Variants in CYP2E1 observed in about 807,000 individuals in gnomAD.
The protein encoded by CYP2E1 is cytochrome P450 2E1.
Under a neutral mutation model 42.9 loss-of-function variants are expected in CYP2E1, and 31 were observed. The ratio of observed to expected loss-of-function variants is 0.72; its 90% CI spans 0.54 to 0.98. The LOEUF (loss-of-function observed/expected upper bound fraction) is 0.98. Ranked by LOEUF, CYP2E1 falls within the 50% of genes least tolerant of loss-of-function variation. The probability of loss-of-function intolerance (pLI) is 0.00; values close to 1 mark genes in which losing one functional copy is unlikely to be tolerated. For missense variants in CYP2E1, 565 were observed against 633.2 expected, an observed-to-expected ratio of 0.89 and a Z score of 1.16; for synonymous variants, 244 against 248.9, an observed-to-expected ratio of 0.98 and a Z score of 0.19.
chr10:133,533,977 C>T, intron 6 of CYP2E1, 80 bp downstream of exon 6: 1 of 1,482,300 alleles, frequency 6.7e-7, no homozygotes, highest in Non-Finnish European at 9.3e-7. Context: ...TAGGCTGCAG[C>T]TTTCTGTCTG....
intron 7 of CYP2E1, chr10:133,537,537 G>A: frequency 1.7e-6 from 1 of 601,180 alleles, no homozygotes; most frequent in Non-Finnish European, 2.9e-6. Flanking sequence ...CCAGCCCTGG[G>A]GTTAATCCTG....
rs1851286357 is a variant in CYP2E1, at chr10:133,527,615, T to C, written c.177+43T>C. 6 of 1,498,480 alleles carry C rather than the reference T, an allele frequency of 4.0e-6. No individual in the cohort carries two copies. The East Asian group carries it at 1.1e-4, about 28-fold the overall frequency. The allele number at this position is 1,498,480 out of a possible 1,614,324, so 92.8% of individuals were successfully genotyped here. ...GATTTTAGGGAGAATAACTCAGCAA[T>C]TGGATCTGGTATGTGTGTATTCAAC... On this transcript the variant is annotated intron_variant, in intron 1 of 8. Coordinates refer to ENST00000252945, the MANE Select transcript of CYP2E1 (RefSeq NM_000773.4).
At chr10:133,537,516 A>G (rs1322091272) in intron 7 of CYP2E1, 2 of 596,818 alleles carry the variant, frequency 3.4e-6, no homozygotes, top group Admixed American at 3.1e-5. Context: ...GCCAGGAACA[A>G]ACTATCACAA....
At position 133,527,570 on chromosome 10, in the gene CYP2E1, C is replaced by T. The variant is rs1259826192; in HGVS notation, c.175C>T (p.Arg59Trp). The T allele has an allele frequency of 8.1e-6, 13 of 1,607,094 alleles. No individual in the cohort carries two copies. In the African/African-American group the frequency reaches 9.4e-5, roughly 12 times the overall value. The change falls in exon 1 of 9, where the codon CGG (arginine) becomes TGG (tryptophan). Residue 59 changes from arginine (R) to tryptophan (W), a missense_variant and splice_region_variant. Coordinates refer to ENST00000252945, the MANE Select transcript of CYP2E1 (RefSeq NM_000773.4). Reference sequence around the variant, plus strand: ...GAAGAATATTCCCAAGTCCTTCACCCGGGTAAGAGAAATAGTGTTGATTTT... The same window carrying T: ...GAAGAATATTCCCAAGTCCTTCACCTGGGTAAGAGAAATAGTGTTGATTTT... ...ELKNIPKSFTRLAQRFGPVFT... is the reference protein window; with the variant it reads ...ELKNIPKSFTWLAQRFGPVFT...
At position 133,538,873 on chromosome 10, in the gene CYP2E1, T is replaced by C. The variant is rs1395292003; in HGVS notation, c.1391T>C (p.Val464Ala). ...ILQHFNLKPL[V>A]DPKDIDLSPI... ...CAGCATTTTAATTTGAAGCCTCTCG[T>C]TGACCCAAAGGATATCGACCTCAGC... The change falls in exon 9 of 9, where the codon GTT (valine) becomes GCT (alanine). Residue 464 changes from valine (V) to alanine (A), a missense_variant. Val to Ala is a moderately conservative substitution (Grantham distance 64). Transcript: ENST00000252945. The C allele has an allele frequency of 1.9e-6, 3 of 1,613,988 alleles. No homozygotes were observed. In the African/African-American group the frequency reaches 4.0e-5, roughly 22 times the overall value.
intron 1 of CYP2E1, 140 bp from the exon 2 acceptor site, chr10:133,528,341 G>A (rs917250600): frequency 4.0e-6 from 4 of 1,005,970 alleles, no homozygotes; most frequent in Non-Finnish European, 1.4e-6. Context: ...CCCACCTCGG[G>A]CTGGACAAAG....
rs188427365 is a variant in CYP2E1 at position 133,531,346 on chromosome 10, A to T, written c.338-239A>T. ...GAGCACCCAGGAGAGGCTACATGTGATGAAGAAACCACAGTGCAGACTGTG... is the reference window on the plus strand; with the variant it reads ...GAGCACCCAGGAGAGGCTACATGTGTTGAAGAAACCACAGTGCAGACTGTG... On this transcript the variant is annotated intron_variant, in intron 2 of 8. Coordinates refer to ENST00000252945, the MANE Select transcript of CYP2E1 (RefSeq NM_000773.4). 2.5e-4 allele frequency among the ~76,000 whole-genome samples: 38 copies of T among 152,286 alleles called. No individual in the cohort carries two copies. The East Asian group carries it at 6.9e-3, about 28-fold the overall frequency.
intron 1 of CYP2E1, 89 bp from the exon 2 acceptor site, chr10:133,528,392 A>T: frequency 6.7e-7 from 1 of 1,496,054 alleles, no homozygotes; most frequent in Non-Finnish European, 9.1e-7. Flanking sequence ...CTAGAGCAAC[A>T]GCAATACCCG....
chr10:133,532,742 A>C lies in CYP2E1; in HGVS notation c.699A>C (p.Arg233Ser), dbSNP rs1476850745. 19 of 1,613,000 alleles carry C rather than the reference A, an allele frequency of 1.2e-5. No homozygotes were observed. Among genetic ancestry groups the C allele is most frequent in the Non-Finnish European group, 1.6e-5 (19 of 1,179,702 alleles). The change falls in exon 5 of 9, where the codon AGA (arginine) becomes AGC (serine). Residue 233 changes from arginine (R) to serine (S), a missense_variant. Transcript: ENST00000252945. ...TACACTACTTGCCTGGAAGCCACAG[A>C]AAAGTCATAAAAAATGTGGCTGAAG... ...SFLHYLPGSH[R>S]KVIKNVAEVK... is the part of the protein sequence containing the mutation.
In CYP2E1 at chr10:133,533,639, C is replaced by T. The variant is rs1368454632; in HGVS notation, c.826-117C>T. 4.2e-6 allele frequency: 5 copies of T among 1,190,102 alleles called. No individual in the cohort carries two copies. The East Asian group carries it at 1.2e-4, about 28-fold the overall frequency. 73.7% of individuals were successfully genotyped at this position (1,190,102 alleles called of 1,614,324 possible). A position where few individuals can be genotyped will look rare whatever the true frequency, so the allele number is the denominator to read the frequency against. ...GTCACAGCTCCAAGTCACAGTTCCA[C>T]TGGGAGAGCCTCTTGGACACTGTCT... On this transcript the variant is annotated intron_variant, in intron 5 of 8. Transcript: ENST00000252945.
intron 1 of CYP2E1, chr10:133,528,154 T>G: frequency 7.3e-6 from 2 of 272,986 alleles, no homozygotes; most frequent in Non-Finnish European, 1.4e-5. Flanking sequence ...AGAACCTTGA[T>G]TCCGGAAGCG....
At position 133,535,344 on chromosome 10, in the gene CYP2E1, T is replaced by C. The variant is rs1851384096; in HGVS notation, c.967+1447T>C. ...AGCAAGAATCAGTCTAAAAAAAAAATTGTAGAGACAAGTTGTTACTATGTT... is the reference window on the plus strand; with the variant it reads ...AGCAAGAATCAGTCTAAAAAAAAAACTGTAGAGACAAGTTGTTACTATGTT... On this transcript the variant is annotated intron_variant, in intron 6 of 8. Transcript: ENST00000252945. Among the ~76,000 whole-genome samples, 3 of 151,300 alleles carry C rather than the reference T, an allele frequency of 2.0e-5. No individual in the cohort carries two copies. The South Asian group carries it at 6.4e-4, about 32-fold the overall frequency.
chr10:133,532,881 C>G lies in CYP2E1; in HGVS notation c.825+13C>G. ...GGAAATGGAGAAGGTAGGCTCGGCCCTCCCATGATGTGGGCTCTCCGGGGT... is the reference window on the plus strand; with the variant it reads ...GGAAATGGAGAAGGTAGGCTCGGCCGTCCCATGATGTGGGCTCTCCGGGGT... On this transcript the variant is annotated intron_variant, in intron 5 of 8. Coordinates refer to ENST00000252945, the MANE Select transcript of CYP2E1 (RefSeq NM_000773.4). The G allele has an allele frequency of 6.3e-7, 1 of 1,593,522 alleles. No individual in the cohort carries two copies. The highest frequency in any genetic ancestry group is 8.5e-7 in the Non-Finnish European group (1 of 1,173,786).
chr10:133,532,665 T>C (rs570938929), intron 4 of CYP2E1, 27 bp from the exon 5 acceptor site: 2 of 1,542,478 alleles, frequency 1.3e-6, no homozygotes, highest in Admixed American at 4.1e-5. Context: ...CAGAAAAAAG[T>C]AGTAAAATAT....
In CYP2E1 at chr10:133,528,582, C is replaced by T; in HGVS notation, c.279C>T (p.Tyr93=). ...CGGTGAAGGAAGCGCTGCTGGACTA[C>T]AAGGACGAGTTCTCGGGCAGAGGCG... ...YKAVKEALLD[Y]KDEFSGRGDL... is the part of the protein sequence containing the mutation. Residue 93 remains tyrosine (Y), a synonymous_variant, in exon 2 of 9, where the codon TAC becomes TAT. Transcript: ENST00000252945. The T allele has an allele frequency of 1.2e-6, 2 of 1,613,558 alleles. No individual in the cohort carries two copies. The highest frequency in any genetic ancestry group is 1.7e-6 in the Non-Finnish European group (2 of 1,179,976).
rs1170055478 is a variant in CYP2E1, at chr10:133,528,430, G to A, written c.178-51G>A. The A allele has an allele frequency of 1.9e-6, 3 of 1,602,914 alleles. No homozygotes were observed. The African/African-American group carries it at 4.0e-5, about 21-fold the overall frequency. ...CGGCAGGGGTGTGGCTTAGAGCCCCGCACCTCCTCGCCGCGCGGCGGGCCT... is the reference window on the plus strand; with the variant it reads ...CGGCAGGGGTGTGGCTTAGAGCCCCACACCTCCTCGCCGCGCGGCGGGCCT... On this transcript the variant is annotated intron_variant, in intron 1 of 8. Coordinates refer to ENST00000252945, the MANE Select transcript of CYP2E1 (RefSeq NM_000773.4).
chr10:133,529,465 C>T (rs537642960), intron 2 of CYP2E1, among the ~76,000 whole-genome samples: 1 of 152,328 alleles, frequency 6.6e-6, no homozygotes, highest in Admixed American at 6.5e-5. Flanking sequence ...AACAGTGTCC[C>T]ACATGGAAGC....
At chr10:133,536,950 G>C (rs931581775) in intron 6 of CYP2E1, 113 bp from the exon 7 acceptor site, 2 of 805,552 alleles carry the variant, frequency 2.5e-6, no homozygotes, top group Admixed American at 4.3e-5. Flanking sequence ...GTGGATGGAT[G>C]TGTAGGTGGG....
chr10:133,529,204 C>T (rs1368070394), intron 2 of CYP2E1, among the ~76,000 whole-genome samples: 1 of 152,252 alleles, frequency 6.6e-6, no homozygotes, highest in Non-Finnish European at 1.5e-5. Context: ...CTCCTCCACG[C>T]TTCCTGTCTC....
Sources: gnomAD v4.1 joint callset for allele counts (sites outside exome capture counted in the v4.1 genomes callset) on GRCh38, gnomAD v4.1.1 for gene constraint, MANE v1.5 for transcripts, NCBI Gene and HGNC (gene_info 2026-07-23, HGNC 2026-07-21) for gene names.